PRIMA1: variants seen among roughly 807,000 people sequenced by gnomAD.
PRIMA1 encodes the protein proline rich membrane anchor 1.
In PRIMA1, 7 loss-of-function variants were observed where a neutral mutation model predicts 17.5. The ratio of observed to expected loss-of-function variants is 0.40; its 90% CI spans 0.23 to 0.75. PRIMA1 has a LOEUF of 0.75. Ranked by LOEUF, PRIMA1 falls within the 30% of genes least tolerant of loss-of-function variation. The pLI, the probability that PRIMA1 is intolerant of heterozygous loss-of-function variation, is 0.37. For synonymous variants in PRIMA1, 97 were observed against 77.9 expected, an observed-to-expected ratio of 1.25 and a Z score of -1.29; for missense variants, 200 against 201.8, an observed-to-expected ratio of 0.99 and a Z score of 0.05.
At chr14:93,755,769 G>A (rs2076286834) in intron 3 of PRIMA1, among the ~76,000 whole-genome samples, 1 of 152,094 alleles carries the variant, frequency 6.6e-6, no homozygotes, top group Admixed American at 6.6e-5. Context: ...TGTGGCCTTG[G>A]ACCTTGGCCC....
intron 3 of PRIMA1, among the ~76,000 whole-genome samples, chr14:93,775,600 G>T (rs926542245): frequency 1.3e-5 from 2 of 152,232 alleles, no homozygotes; most frequent in African/African-American, 4.8e-5. Context: ...CGTATTTTAT[G>T]ATTGGCAGAA....
At chr14:93,734,298 G>C (rs1211835712) in intron 4 of PRIMA1, among the ~76,000 whole-genome samples, 10 of 152,200 alleles carry the variant, frequency 6.6e-5, no homozygotes, top group African/African-American at 2.4e-4. Flanking sequence ...CCTTACTGAC[G>C]GTGTGTCCTG....
rs975942273 is a variant in PRIMA1, at chr14:93,721,234, C to T, written c.*210G>A. On this transcript the variant is annotated 3_prime_UTR_variant, in exon 5 of 5. Transcript: ENST00000393140. The stretch of plus-strand genomic sequence containing the variant: ...TGGGGACACTGCCCAGGTGCTGCGC[C>T]GGGCTCAGCCTGGTGTCCGAGCTGC... 22 of 553,430 alleles carry T rather than the reference C, an allele frequency of 4.0e-5. No individual in the cohort carries two copies. The highest frequency in any genetic ancestry group is 5.8e-5 in the Non-Finnish European group (18 of 311,158). The allele number at this position is 553,430 out of a possible 1,614,324, so 34.3% of individuals were successfully genotyped here.
intron 3 of PRIMA1, among the ~76,000 whole-genome samples, chr14:93,748,035 T>G (rs1397776121): frequency 2.0e-5 from 1 of 50,510 alleles, no homozygotes; most frequent in African/African-American, 6.2e-5. Context: ...GGACTGTGTG[T>G]GGGAGTGTGT....
At chr14:93,762,393 C>G (rs953611883) in intron 3 of PRIMA1, among the ~76,000 whole-genome samples, 2 of 152,096 alleles carry the variant, frequency 1.3e-5, no homozygotes, top group African/African-American at 4.8e-5. Flanking sequence ...CAGATGGCCT[C>G]GTCCTGGCTC....
chr14:93,760,686 C>T (rs1458689268), intron 3 of PRIMA1, among the ~76,000 whole-genome samples: 1 of 152,196 alleles, frequency 6.6e-6, no homozygotes, highest in Non-Finnish European at 1.5e-5. Flanking sequence ...CTCCACCCAG[C>T]ACCTGGTGCA....
intron 4 of PRIMA1, among the ~76,000 whole-genome samples, chr14:93,734,640 A>G (rs987839546): frequency 3.3e-5 from 4 of 121,688 alleles, no homozygotes; most frequent in African/African-American, 1.1e-4. Context: ...AGCCCCATCC[A>G]TGCCCCAGAG....
At position 93,719,263 on chromosome 14, in the gene PRIMA1, G is replaced by C. The variant is rs1019663159; in HGVS notation, c.*2181C>G. On this transcript the variant is annotated 3_prime_UTR_variant, in exon 5 of 5. Coordinates refer to ENST00000393140, the MANE Select transcript of PRIMA1 (RefSeq NM_178013.4). ...GATGGCTCAGCTGATTCCTCACCAG[G>C]GAGCCTCGCCTGGGGCTGGAAGATT... is the stretch of plus-strand genomic sequence containing the variant. The C allele has an allele frequency of 6.6e-6, 1 of 152,206 alleles. No individual in the cohort carries two copies. The highest frequency in any genetic ancestry group is 6.5e-5 in the Admixed American group (1 of 15,282). The allele number at this position is 152,206 out of a possible 1,614,324, so 9.4% of individuals were successfully genotyped here.
chr14:93,755,634 A>G (rs2076286113), intron 3 of PRIMA1, among the ~76,000 whole-genome samples: 5 of 152,166 alleles, frequency 3.3e-5, no homozygotes, highest in African/African-American at 9.7e-5. Flanking sequence ...TGGTCTATAC[A>G]TGGTACTACT....
intron 3 of PRIMA1, among the ~76,000 whole-genome samples, chr14:93,745,206 G>A (rs1461521431): frequency 6.6e-6 from 1 of 152,200 alleles, no homozygotes; most frequent in East Asian, 1.9e-4. Context: ...CCATAGACAG[G>A]AACAGTGGGC....
intron 4 of PRIMA1, among the ~76,000 whole-genome samples, chr14:93,730,853 A>C (rs2076109402): frequency 6.6e-6 from 1 of 152,190 alleles, no homozygotes; most frequent in African/African-American, 2.4e-5. Flanking sequence ...TAAGGAGATG[A>C]AAGACTGGAG....
intron 3 of PRIMA1, among the ~76,000 whole-genome samples, chr14:93,756,107 A>G (rs1469253478): frequency 6.6e-6 from 1 of 152,038 alleles, no homozygotes; most frequent in Non-Finnish European, 1.5e-5. Flanking sequence ...GGGTCTTGCT[A>G]TGTTGTCCAG....
rs2076132359 is a variant in PRIMA1, at chr14:93,733,964, C to G, written c.359+3277G>C. On this transcript the variant is annotated intron_variant, in intron 4 of 4. Coordinates refer to ENST00000393140, the MANE Select transcript of PRIMA1 (RefSeq NM_178013.4). ...CAGCTTCTGCTGCCTCCTTCTCTCT[C>G]CACCAAGGGGTTAGGCCGCCCTCCC... Among the ~76,000 whole-genome samples the G allele has an allele frequency of 3.3e-5, 5 of 152,290 alleles. No individual in the cohort carries two copies. The South Asian group carries it at 1.0e-3, about 32-fold the overall frequency.
At chr14:93,735,194 C>T (rs2076141566) in intron 4 of PRIMA1, among the ~76,000 whole-genome samples, 1 of 152,046 alleles carries the variant, frequency 6.6e-6, no homozygotes, top group Non-Finnish European at 1.5e-5. Flanking sequence ...GACTGGCAGC[C>T]ATGGCCTGGT....
At chr14:93,777,472 G>T (rs1885252726) in intron 3 of PRIMA1, among the ~76,000 whole-genome samples, 1 of 152,132 alleles carries the variant, frequency 6.6e-6, no homozygotes, top group South Asian at 2.1e-4. Context: ...GAGCAGCTGG[G>T]ATTACAGGCG....
intron 3 of PRIMA1, among the ~76,000 whole-genome samples, chr14:93,778,048 A>T (rs1339339899): frequency 6.6e-6 from 1 of 152,184 alleles, no homozygotes; most frequent in Non-Finnish European, 1.5e-5. Flanking sequence ...CCCGGGATAG[A>T]AGGATTTGGC....
intron 3 of PRIMA1, among the ~76,000 whole-genome samples, chr14:93,759,946 TC>T (rs2076316815): frequency 6.6e-6 from 1 of 152,194 alleles, no homozygotes; most frequent in East Asian, 1.9e-4. Flanking sequence ...TTTACTGGGC[TC>T]CTCCTCCAGG....
At chr14:93,757,130 G>A (rs1566971712) in intron 3 of PRIMA1, among the ~76,000 whole-genome samples, 1 of 152,178 alleles carries the variant, frequency 6.6e-6, no homozygotes, top group Non-Finnish European at 1.5e-5. Flanking sequence ...TGACAGAACT[G>A]TCAGAGCCAG....
At chr14:93,771,299 G>C (rs1450926242) in intron 3 of PRIMA1, among the ~76,000 whole-genome samples, 1 of 152,150 alleles carries the variant, frequency 6.6e-6, no homozygotes, top group Non-Finnish European at 1.5e-5. Flanking sequence ...CTAAAAAACA[G>C]AATGCAGTGG....
Sources: gnomAD v4.1 joint callset for allele counts (sites outside exome capture counted in the v4.1 genomes callset) on GRCh38, gnomAD v4.1.1 for gene constraint, MANE v1.5 for transcripts, NCBI Gene and HGNC (gene_info 2026-07-23, HGNC 2026-07-21) for gene names.